PCDHA13: variants seen among roughly 807,000 people sequenced by gnomAD.
The protein encoded by PCDHA13 is protocadherin alpha 13, also known as protocadherin alpha-13.
Under a neutral mutation model 64.8 loss-of-function variants are expected in PCDHA13, and 54 were observed. That is an observed-to-expected ratio of 0.83 (90% CI 0.67 to 1.04). The LOEUF (loss-of-function observed/expected upper bound fraction) is 1.04. PCDHA13 is among the 50% of genes least tolerant of loss of function. The pLI, the probability that PCDHA13 is intolerant of heterozygous loss-of-function variation, is 0.00. For missense variants in PCDHA13, 1,248 were observed against 1,254.3 expected (o/e 0.99, Z 0.08); for synonymous variants, 587 against 564.4 (o/e 1.04, Z -0.57).
At chr5:140,941,901 GA>G (rs782298792) in intron 1 of PCDHA13, among the ~76,000 whole-genome samples, 1 of 152,130 alleles carries the variant, frequency 6.6e-6, no homozygotes, top group African/African-American at 2.4e-5. Context: ...AAGTAACATT[GA>G]AATGCTTTTA....
Position 140,884,179 on chromosome 5 carries a change from G to A in PCDHA13, c.1911G>A (p.Leu637=). The change falls in exon 1 of 4, where the codon CTG becomes CTA. Residue 637 remains leucine (L), a synonymous_variant. Transcript: ENST00000289272. ...YTGEISTTRP[L]DEVDAPHHRL... is the part of the protein sequence containing the mutation. Reference sequence around the variant, plus strand: ...GCGAGATCAGCACGACGCGCCCTCTGGACGAGGTGGACGCGCCGCACCACC... The same window carrying A: ...GCGAGATCAGCACGACGCGCCCTCTAGACGAGGTGGACGCGCCGCACCACC... The A allele has an allele frequency of 1.9e-6, 3 of 1,613,460 alleles. No individual in the cohort carries two copies. The highest frequency in any genetic ancestry group is 1.7e-6 in the Non-Finnish European group (2 of 1,179,758).
chr5:140,915,887 TC>T (rs1276492784), intron 1 of PCDHA13, among the ~76,000 whole-genome samples: 1 of 152,078 alleles, frequency 6.6e-6, no homozygotes, highest in African/African-American at 2.4e-5. Context: ...GGTAGCAAGT[TC>T]CCCCTGGCCC....
At chr5:140,976,518 A>G (rs2096720750) in intron 1 of PCDHA13, among the ~76,000 whole-genome samples, 1 of 152,070 alleles carries the variant, frequency 6.6e-6, no homozygotes, top group Admixed American at 6.6e-5. Flanking sequence ...GCCACTGCAC[A>G]CCAGCCTAAA....
intron 1 of PCDHA13, among the ~76,000 whole-genome samples, chr5:140,974,086 A>G (rs1554235813): frequency 2.6e-5 from 4 of 152,256 alleles, no homozygotes; most frequent in Non-Finnish European, 5.9e-5. Context: ...CATGACTTCA[A>G]AAATCAAAGG....
intron 1 of PCDHA13, among the ~76,000 whole-genome samples, chr5:140,901,864 C>G (rs782513656): frequency 4.6e-4 from 70 of 152,126 alleles, no homozygotes; most frequent in Non-Finnish European, 5.7e-4. Flanking sequence ...TTTGTGTCCT[C>G]TTCAATTTCT....
In PCDHA13 at chr5:140,968,565, C is replaced by T. The variant is rs532751675; in HGVS notation, c.2395-10384C>T. ...GAGATGGTGCCTCGAACTGCCCCTG[C>T]TGGCTACCTGGTCACCAAAGTCATA... is the stretch of plus-strand genomic sequence containing the variant. On this transcript the variant is annotated intron_variant, in intron 1 of 3. Coordinates refer to ENST00000289272, the MANE Select transcript of PCDHA13 (RefSeq NM_018904.3). 4.3e-6 allele frequency: 7 copies of T among 1,614,206 alleles called. No homozygotes were observed. The African/African-American group carries it at 6.7e-5, about 15-fold the overall frequency.
chr5:140,892,497 T>C (rs1459778884), intron 1 of PCDHA13, among the ~76,000 whole-genome samples: 1 of 152,238 alleles, frequency 6.6e-6, no homozygotes, highest in Non-Finnish European at 1.5e-5. Context: ...GAGAGATTGT[T>C]TAAGAAGTTC....
chr5:140,929,302 G>T, intron 1 of PCDHA13: 1 of 1,587,714 alleles, frequency 6.3e-7, no homozygotes, highest in Admixed American at 1.7e-5. Flanking sequence ...TAGGAAAGGG[G>T]ATCACGCTAA....
At chr5:141,000,421 ATTT>A (rs34755515) in intron 3 of PCDHA13, among the ~76,000 whole-genome samples, 361 of 27,888 alleles carry the variant, frequency 0.013, no homozygotes, top group East Asian at 0.018. Context: ...ATATATATAT[ATTT>A]TTTTTTTTTT....
At chr5:140,911,654 T>C (rs1554194855) in intron 1 of PCDHA13, among the ~76,000 whole-genome samples, 1 of 152,218 alleles carries the variant, frequency 6.6e-6, no homozygotes, top group Non-Finnish European at 1.5e-5. Flanking sequence ...ATAGAGTTAC[T>C]AAACTCCTTG....
chr5:140,899,071 C>T (rs1436283947), intron 1 of PCDHA13, among the ~76,000 whole-genome samples: 1 of 152,106 alleles, frequency 6.6e-6, no homozygotes, highest in African/African-American at 2.4e-5. Flanking sequence ...AGTTGCTTAT[C>T]AGCTTAAGGA....
chr5:140,972,287 G>T (rs2096528818), intron 1 of PCDHA13, among the ~76,000 whole-genome samples: 1 of 151,036 alleles, frequency 6.6e-6, no homozygotes, highest in Non-Finnish European at 1.5e-5. Flanking sequence ...CCATAGATGT[G>T]CGCCACCGTG....
chr5:140,950,515 C>T lies in PCDHA13; in HGVS notation c.2395-28434C>T, dbSNP rs144121614. 1.4e-3 allele frequency among the ~76,000 whole-genome samples: 220 copies of T among 151,996 alleles called. 1 individual carries two copies. The highest frequency in any genetic ancestry group is 4.9e-3 in the African/African-American group (204 of 41,490). On this transcript the variant is annotated intron_variant, in intron 1 of 3. Transcript: ENST00000289272. The stretch of plus-strand genomic sequence containing the variant: ...CATTTAAGTCATTATTCCCTGTGTG[C>T]GATATGATTGTTTTTGTTGCTCTTG...
rs1252148937 is a variant in PCDHA13 at position 141,009,582 on chromosome 5, G to T, written c.2543-45G>T. On this transcript the variant is annotated intron_variant, in intron 3 of 3. Coordinates refer to ENST00000289272, the MANE Select transcript of PCDHA13 (RefSeq NM_018904.3). ...CTCTACCAGCAGTGTGGCATCAAGA[G>T]CATGTGTTGACCCTGTTAATGATTT... 16 of 1,590,108 alleles carry T rather than the reference G, an allele frequency of 1.0e-5. No homozygotes were observed. In the African/African-American group the frequency reaches 2.0e-4, roughly 20 times the overall value.
chr5:140,947,290 T>G (rs1554218137), intron 1 of PCDHA13, among the ~76,000 whole-genome samples: 2 of 151,614 alleles, frequency 1.3e-5, no homozygotes, highest in Non-Finnish European at 3.0e-5. Context: ...TTTTATTGCA[T>G]TATCTTGACA....
At chr5:140,895,351 T>C (rs1367078085) in intron 1 of PCDHA13, among the ~76,000 whole-genome samples, 2 of 152,180 alleles carry the variant, frequency 1.3e-5, no homozygotes, top group Admixed American at 1.3e-4. Context: ...TGCTTTCCAG[T>C]GAGTACTTAT....
intron 1 of PCDHA13, among the ~76,000 whole-genome samples, chr5:140,975,697 AT>A (rs1375810410): frequency 1.3e-5 from 2 of 152,182 alleles, no homozygotes; most frequent in African/African-American, 4.8e-5. Flanking sequence ...TTTTAAACTT[AT>A]TTTACTTTAA....
chr5:140,944,346 C>A (rs2093644964), intron 1 of PCDHA13, among the ~76,000 whole-genome samples: 2 of 152,130 alleles, frequency 1.3e-5, no homozygotes, highest in African/African-American at 4.8e-5. Flanking sequence ...TGCCACCACA[C>A]CTGGCTAATT....
rs111233751 is a variant in PCDHA13, at chr5:140,887,119, C to T, written c.2394+2457C>T. On this transcript the variant is annotated intron_variant, in intron 1 of 3. Transcript: ENST00000289272. ...TTTATCTCTTTTTTTTTTTTTGAGA[C>T]GGAGTCTCACTCTGTCGCCCAGGCT... 6.0e-3 allele frequency among the ~76,000 whole-genome samples: 904 copies of T among 149,504 alleles called. 4 individuals are homozygous for T. The highest frequency in any genetic ancestry group is 0.014 in the Middle Eastern group (4 of 294).
Sources: allele counts gnomAD v4.1 joint callset (sites outside exome capture counted in the v4.1 genomes callset), GRCh38; gene constraint gnomAD v4.1.1; transcripts MANE v1.5; gene names NCBI Gene and HGNC (gene_info 2026-07-23, HGNC 2026-07-21).